OXR1: variants seen among roughly 807,000 people sequenced by gnomAD.
OXR1 encodes the protein oxidation resistance 1, also known as oxidation resistance protein 1.
A neutral mutation model predicts 104.6 loss-of-function variants in OXR1; 41 were observed. The observed-to-expected ratio is 0.39, with a 90% CI of 0.31 to 0.51. The LOEUF (loss-of-function observed/expected upper bound fraction) is 0.51. OXR1 is among the 20% of genes least tolerant of loss of function. The pLI is 0.77. For missense variants in OXR1, 955 were observed against 1,031.9 expected, an observed-to-expected ratio of 0.93 and a Z score of 1.02; for synonymous variants, 348 against 348.4, an observed-to-expected ratio of 1.00 and a Z score of 0.01.
chr8:106,658,702 A>G (rs1210792927), intron 3 of OXR1, among the ~76,000 whole-genome samples: 1 of 152,204 alleles, frequency 6.6e-6, no homozygotes, highest in Non-Finnish European at 1.5e-5. Flanking sequence ...AAGCTAGTTG[A>G]CATTTTGCGT....
intron 3 of OXR1, among the ~76,000 whole-genome samples, chr8:106,575,673 C>G (rs1427518749): frequency 6.8e-6 from 1 of 146,636 alleles, no homozygotes. Context: ...TCAACTTGAT[C>G]CATCCAAGAA....
intron 2 of OXR1, among the ~76,000 whole-genome samples, chr8:106,466,290 G>T (rs1376695924): frequency 6.6e-6 from 1 of 151,912 alleles, no homozygotes; most frequent in Non-Finnish European, 1.5e-5. Flanking sequence ...TATTATAGAA[G>T]TAGGAAGGAA....
At chr8:106,629,609 AT>A (rs1285932571) in intron 3 of OXR1, among the ~76,000 whole-genome samples, 1 of 152,206 alleles carries the variant, frequency 6.6e-6, no homozygotes, top group African/African-American at 2.4e-5. Context: ...CATGTATGCT[AT>A]TGGTTATTAT....
chr8:106,737,116 T>C (rs923153352), intron 11 of OXR1, among the ~76,000 whole-genome samples: 1 of 152,158 alleles, frequency 6.6e-6, no homozygotes, highest in Non-Finnish European at 1.5e-5. Context: ...ATGTTTGAGC[T>C]CACCTGATTT....
At chr8:106,735,312 AT>A (rs1834269743) in intron 11 of OXR1, among the ~76,000 whole-genome samples, 2 of 152,040 alleles carry the variant, frequency 1.3e-5, no homozygotes, top group Admixed American at 6.5e-5. Flanking sequence ...CTAGAAAAAA[AT>A]ATAATTGAAA....
At chr8:106,422,274 C>A (rs990635354) in intron 2 of OXR1, among the ~76,000 whole-genome samples, 3 of 152,006 alleles carry the variant, frequency 2.0e-5, no homozygotes, top group Admixed American at 6.6e-5. Context: ...AGCTCCACTA[C>A]AAAGATACAA....
chr8:106,722,855 A>T (rs1231686381), intron 11 of OXR1, among the ~76,000 whole-genome samples: 3 of 152,190 alleles, frequency 2.0e-5, no homozygotes, highest in Non-Finnish European at 4.4e-5. Context: ...ATAGTTACAA[A>T]TGAAACTTTT....
chr8:106,699,411 C>T (rs1335563704), intron 7 of OXR1, among the ~76,000 whole-genome samples: 1 of 152,124 alleles, frequency 6.6e-6, no homozygotes. Flanking sequence ...TTTTTCTCTG[C>T]CTGTGGACTG....
rs536895255 is a variant in OXR1 at position 106,462,775 on chromosome 8, C to T, written c.24-56168C>T. ...TGACCTTGGGAGATGCATTCACTTC[C>T]CTGAACCACATTTTTTCTCATGTGT... On this transcript the variant is annotated intron_variant, in intron 2 of 16. Coordinates refer to ENST00000517566, the MANE Select transcript of OXR1 (RefSeq NM_001198533.2). Among the ~76,000 whole-genome samples the T allele has an allele frequency of 9.6e-4, 143 of 148,816 alleles. No individual in the cohort carries two copies. In the South Asian group the frequency reaches 9.6e-3, roughly 10 times the overall value.
At chr8:106,538,475 T>C (rs1814715273) in intron 3 of OXR1, among the ~76,000 whole-genome samples, 1 of 152,196 alleles carries the variant, frequency 6.6e-6, no homozygotes, top group Non-Finnish European at 1.5e-5. Context: ...CCATTAAGTT[T>C]TGTTGTTCCA....
intron 6 of OXR1, among the ~76,000 whole-genome samples, chr8:106,687,091 T>C (rs1387178252): frequency 1.3e-5 from 2 of 152,222 alleles, no homozygotes; most frequent in Non-Finnish European, 2.9e-5. Flanking sequence ...GGTGGTAGAC[T>C]GCATCAGTGC....
chr8:106,632,156 C>T (rs1563655916), intron 3 of OXR1, among the ~76,000 whole-genome samples: 1 of 152,154 alleles, frequency 6.6e-6, no homozygotes, highest in African/African-American at 2.4e-5. Flanking sequence ...AGCTACCCTT[C>T]AGATTTTAAT....
chr8:106,636,373 C>T (rs1045383069), intron 3 of OXR1, among the ~76,000 whole-genome samples: 3 of 151,794 alleles, frequency 2.0e-5, no homozygotes, highest in Non-Finnish European at 4.4e-5. Flanking sequence ...AAGCTATTAC[C>T]AGCCAAACCC....
intron 3 of OXR1, among the ~76,000 whole-genome samples, chr8:106,528,748 A>G (rs1347828231): frequency 1.3e-5 from 2 of 152,240 alleles, no homozygotes; most frequent in African/African-American, 4.8e-5. Flanking sequence ...TAGAGGTGGC[A>G]CATTCTGCAG....
intron 3 of OXR1, among the ~76,000 whole-genome samples, chr8:106,643,988 G>T (rs1563664426): frequency 1.3e-5 from 2 of 152,174 alleles, no homozygotes; most frequent in South Asian, 4.1e-4. Flanking sequence ...TGGGAGAACA[G>T]TATGTAAAAC....
At chr8:106,353,680 A>G (rs2130315512) in intron 1 of OXR1, among the ~76,000 whole-genome samples, 2 of 152,252 alleles carry the variant, frequency 1.3e-5, no homozygotes, top group South Asian at 4.1e-4. Flanking sequence ...ACATTGTGGA[A>G]TGGCTAAATC....
At chr8:106,712,451 T>C (rs910836645) in intron 10 of OXR1, among the ~76,000 whole-genome samples, 1 of 152,106 alleles carries the variant, frequency 6.6e-6, no homozygotes, top group African/African-American at 2.4e-5. Flanking sequence ...TTAGAAAAAG[T>C]GCTTTAGTGA....
chr8:106,424,908 G>A (rs1319786428), intron 2 of OXR1, among the ~76,000 whole-genome samples: 2 of 151,494 alleles, frequency 1.3e-5, no homozygotes, highest in Non-Finnish European at 2.9e-5. Flanking sequence ...CTTTTGATTT[G>A]ACATATTTTT....
chr8:106,739,633 GA>G lies in OXR1; in HGVS notation c.2163+51del. 1.9e-6 allele frequency: 3 copies of G among 1,582,396 alleles called. No homozygotes were observed. In the South Asian group the frequency reaches 3.4e-5, roughly 18 times the overall value. On this transcript the variant is annotated intron_variant, in intron 13 of 16. Coordinates refer to ENST00000517566, the MANE Select transcript of OXR1 (RefSeq NM_001198533.2). ...TTTCTGAGTGTGAGTGTGTACCCAT[GA>G]GAGTAAAACAGCCTCTTTTTAGTTG...
Sources: gnomAD v4.1 joint callset for allele counts (sites outside exome capture counted in the v4.1 genomes callset) on GRCh38, gnomAD v4.1.1 for gene constraint, MANE v1.5 for transcripts, NCBI Gene and HGNC (gene_info 2026-07-23, HGNC 2026-07-21) for gene names.